The following ANXA4 variants were observed in gnomAD, a reference collection of about 807,000 sequenced individuals.
ANXA4 encodes 35-beta calcimedin.
A neutral mutation model predicts 49.8 loss-of-function variants in ANXA4; 39 were observed. The observed-to-expected ratio is 0.78, with a 90% CI of 0.61 to 1.02. The LOEUF is 1.02. Among genes scored for constraint, ANXA4 ranks in the 50% least tolerant of loss-of-function variants. The pLI, the probability that ANXA4 is intolerant of heterozygous loss-of-function variation, is 0.00. For missense variants in ANXA4, 360 were observed against 410.1 expected, an observed-to-expected ratio of 0.88 and a Z score of 1.05; for synonymous variants, 134 against 152.5, an observed-to-expected ratio of 0.88 and a Z score of 0.89.
intron 2 of ANXA4, among the ~76,000 whole-genome samples, chr2:69,707,684 T>C (rs1463038812): frequency 6.0e-4 from 92 of 152,254 alleles, no homozygotes; most frequent in Non-Finnish European, 2.9e-5. Context: ...TCGCATCATA[T>C]AAAATGGGGT....
chr2:69,680,908 T>C (rs1442317076), intron 2 of ANXA4, among the ~76,000 whole-genome samples: 2 of 152,214 alleles, frequency 1.3e-5, no homozygotes, highest in Admixed American at 1.3e-4. Context: ...AGTTTGCTAG[T>C]ATTTCATTGA....
In ANXA4 at chr2:69,812,753, C is replaced by A. The variant is rs771931798; in HGVS notation, c.534+44C>A. 6 of 1,574,980 alleles carry A rather than the reference C, an allele frequency of 3.8e-6. No individual in the cohort carries two copies. In the South Asian group the frequency reaches 4.4e-5, roughly 12 times the overall value. ...TCTTTCTTCCAGCTTTCTTCTCTTT[C>A]GCCAATGAGACAGGCCTTAGTGGGT... On this transcript the variant is annotated intron_variant, in intron 8 of 12. Coordinates refer to ENST00000394295, the MANE Select transcript of ANXA4 (RefSeq NM_001153.5).
chr2:69,746,666 A>G (rs1670626148), intron 1 of ANXA4, among the ~76,000 whole-genome samples: 1 of 152,174 alleles, frequency 6.6e-6, no homozygotes, highest in South Asian at 2.1e-4. Context: ...TGATGTCAGT[A>G]AATTGCCATA....
intron 2 of ANXA4, among the ~76,000 whole-genome samples, chr2:69,678,389 C>CTTTTTTTT (rs150952411): frequency 4.1e-4 from 32 of 78,340 alleles, no homozygotes; most frequent in Non-Finnish European, 5.3e-4. Context: ...CTTTTCTTTT[C>CTTTTTTTT]TTTTTTTTTT....
At chr2:69,724,916 C>T (rs760658770) in intron 3 of ANXA4, among the ~76,000 whole-genome samples, 1 of 152,214 alleles carries the variant, frequency 6.6e-6, no homozygotes, top group African/African-American at 2.4e-5. Context: ...CCGTGTGGAA[C>T]GTTTAGCTGA....
At chr2:69,781,681 G>T (rs922690288) in intron 2 of ANXA4, 107 bp downstream of exon 2, 1 of 1,331,714 alleles carries the variant, frequency 7.5e-7, no homozygotes, top group South Asian at 1.2e-5. Context: ...CTCAACAGAG[G>T]GGAAGGAGGA....
chr2:69,806,526 G>A, intron 5 of ANXA4, 28 bp downstream of exon 5: 1 of 1,564,418 alleles, frequency 6.4e-7, no homozygotes, highest in South Asian at 1.1e-5. Context: ...CGTGCTCTTG[G>A]TGCTGTTGGT....
At chr2:69,813,372 C>G (rs1673793920) in intron 8 of ANXA4, among the ~76,000 whole-genome samples, 1 of 151,988 alleles carries the variant, frequency 6.6e-6, no homozygotes, top group South Asian at 2.1e-4. Context: ...CCTCAGCCTC[C>G]CAAATAGCTG....
chr2:69,745,712 G>A (rs1409092533), intron 1 of ANXA4, among the ~76,000 whole-genome samples: 3 of 151,830 alleles, frequency 2.0e-5, no homozygotes, highest in African/African-American at 7.3e-5. Flanking sequence ...TGTATTTTTA[G>A]TAGAGGTGGG....
intron 12 of ANXA4, among the ~76,000 whole-genome samples, 200 bp from the exon 13 acceptor site, chr2:69,825,256 G>A (rs1674422063): frequency 6.6e-6 from 1 of 151,980 alleles, no homozygotes; most frequent in Non-Finnish European, 1.5e-5. Context: ...TCTAGATGAT[G>A]GAATAATGGT....
chr2:69,661,415 A>G (rs1676713441), intron 2 of ANXA4, among the ~76,000 whole-genome samples: 1 of 151,996 alleles, frequency 6.6e-6, no homozygotes, highest in Non-Finnish European at 1.5e-5. Flanking sequence ...AGGCTGAGGA[A>G]GGAGGATTGC....
At chr2:69,819,384 G>C in intron 11 of ANXA4, 46 bp downstream of exon 11, 2 of 1,440,308 alleles carry the variant, frequency 1.4e-6, no homozygotes, top group Non-Finnish European at 1.9e-6. Flanking sequence ...GAGTTATCTT[G>C]TGTCCACCTT....
intron 1 of ANXA4, among the ~76,000 whole-genome samples, chr2:69,770,794 A>T (rs958333810): frequency 6.6e-6 from 1 of 152,068 alleles, no homozygotes; most frequent in African/African-American, 2.4e-5. Context: ...ATTTATTTAT[A>T]TTAAGAAATA....
intron 9 of ANXA4, chr2:69,816,810 A>G (rs1674013855): frequency 6.6e-6 from 1 of 152,244 alleles, no homozygotes; most frequent in Non-Finnish European, 1.5e-5. Context: ...AAGATATTTC[A>G]TCTTTTATAC....
intron 3 of ANXA4, among the ~76,000 whole-genome samples, chr2:69,730,599 A>G (rs1573159163): frequency 6.6e-6 from 1 of 152,142 alleles, no homozygotes; most frequent in Admixed American, 6.5e-5. Flanking sequence ...TGTGACATAG[A>G]CCCACTGTCT....
intron 2 of ANXA4, among the ~76,000 whole-genome samples, chr2:69,685,367 T>C (rs1020330348): frequency 1.3e-5 from 2 of 152,142 alleles, no homozygotes; most frequent in Admixed American, 1.3e-4. Context: ...TTTTTCATGA[T>C]ATTCTTTTGG....
chr2:69,806,823 A>C (rs559713450), intron 5 of ANXA4, among the ~76,000 whole-genome samples: 1 of 152,128 alleles, frequency 6.6e-6, no homozygotes, highest in Non-Finnish European at 1.5e-5. Flanking sequence ...GGGGAACAAC[A>C]CACACTGGGG....
chr2:69,798,752 C>G (rs1260363037), intron 3 of ANXA4, among the ~76,000 whole-genome samples: 1 of 152,142 alleles, frequency 6.6e-6, no homozygotes, highest in Non-Finnish European at 1.5e-5. Flanking sequence ...GACAAGAAGC[C>G]TCGGAAGTGA....
chr2:69,656,298 T>A (rs1175347731), intron 2 of ANXA4, among the ~76,000 whole-genome samples: 1 of 90,030 alleles, frequency 1.1e-5, no homozygotes, highest in Non-Finnish European at 2.0e-5. Context: ...CATATATGTA[T>A]ATATATGTAT....
Sources: allele counts gnomAD v4.1 joint callset (sites outside exome capture counted in the v4.1 genomes callset), GRCh38; gene constraint gnomAD v4.1.1; transcripts MANE v1.5; gene names NCBI Gene and HGNC (gene_info 2026-07-23, HGNC 2026-07-21).